Variants in NINJ2 observed in about 807,000 individuals in gnomAD.
The protein encoded by NINJ2 is ninjurin 2.
NINJ2 carries 12 observed loss-of-function variants against 11.7 expected under a neutral mutation model. The observed-to-expected ratio is 1.02, with a 90% CI of 0.66 to 1.66. NINJ2 has a LOEUF of 1.66. Among genes scored for constraint, NINJ2 ranks in the 40% most tolerant of loss-of-function variants. The probability of loss-of-function intolerance (pLI) is 0.00; values close to 1 mark genes in which losing one functional copy is unlikely to be tolerated. For missense variants in NINJ2, 187 were observed against 181.8 expected (o/e 1.03, Z -0.16); for synonymous variants, 93 against 76.8 (o/e 1.21, Z -1.10).
At chr12:572,289 C>T (rs997063895) in intron 1 of NINJ2, among the ~76,000 whole-genome samples, 1 of 152,210 alleles carries the variant, frequency 6.6e-6, no homozygotes, top group Non-Finnish European at 1.5e-5. Flanking sequence ...AGAACACCCA[C>T]GTGGGAGCTT....
chr12:575,664 A>G (rs1451247789), intron 1 of NINJ2, among the ~76,000 whole-genome samples: 1 of 152,160 alleles, frequency 6.6e-6, no homozygotes, highest in Non-Finnish European at 1.5e-5. Context: ...CTGAGTCTCC[A>G]TGGAGCCTAG....
intron 1 of NINJ2, chr12:643,516 G>C: frequency 1.0e-6 from 1 of 988,134 alleles, no homozygotes; most frequent in Middle Eastern, 2.8e-4. Context: ...TGTACCTCAT[G>C]TCCCCTCACT....
At chr12:609,198 A>G (rs1947983178) in intron 1 of NINJ2, among the ~76,000 whole-genome samples, 1 of 126,828 alleles carries the variant, frequency 7.9e-6, no homozygotes, top group South Asian at 2.4e-4. Flanking sequence ...CTGAACGCAC[A>G]CGCACGGCGC....
At chr12:626,651 T>A (rs1948213360) in intron 1 of NINJ2, among the ~76,000 whole-genome samples, 3 of 151,898 alleles carry the variant, frequency 2.0e-5, no homozygotes, top group African/African-American at 7.3e-5. Context: ...AACAATGGAG[T>A]CAGGGTGCCT....
At chr12:574,689 C>A (rs185497029) in intron 1 of NINJ2, among the ~76,000 whole-genome samples, 3 of 152,352 alleles carry the variant, frequency 2.0e-5, no homozygotes, top group Admixed American at 2.0e-4. Flanking sequence ...GTCTCCAGAA[C>A]CATGAGCCAA....
intron 1 of NINJ2, among the ~76,000 whole-genome samples, chr12:658,665 GCTAT>G (rs1937908639): frequency 2.0e-5 from 1 of 50,958 alleles, no homozygotes; most frequent in African/African-American, 7.9e-5. Context: ...GCTATGCTAT[GCTAT>G]GCTATGCTAT....
chr12:659,237 A>T (rs1334601906), intron 1 of NINJ2, among the ~76,000 whole-genome samples: 1 of 151,846 alleles, frequency 6.6e-6, no homozygotes, highest in African/African-American at 2.4e-5. Context: ...AGCTATACTG[A>T]ATTTGCATTC....
At chr12:631,159 A>G (rs1948276077) in intron 1 of NINJ2, among the ~76,000 whole-genome samples, 4 of 152,022 alleles carry the variant, frequency 2.6e-5, no homozygotes, top group African/African-American at 9.7e-5. Context: ...TGCTCAACCT[A>G]GTAATTTGGA....
rs1457731461 is a variant in NINJ2, at chr12:581,406, C to G, written c.34-15228G>C. Reference sequence around the variant, plus strand: ...TCCTGATTGGTGGGCCAGCCTGAATCTGCTGCGCCTGCCAGCTTCAGCCAA... The same window carrying G: ...TCCTGATTGGTGGGCCAGCCTGAATGTGCTGCGCCTGCCAGCTTCAGCCAA... On this transcript the variant is annotated intron_variant, in intron 1 of 3. Transcript: ENST00000305108. The surrounding 1 kb of genome is among the most constrained non-coding windows in gnomAD (Gnocchi z 4.9). 1.3e-5 allele frequency among the ~76,000 whole-genome samples: 2 copies of G among 152,166 alleles called. No individual in the cohort carries two copies. Among genetic ancestry groups the G allele is most frequent in the Non-Finnish European group, 2.9e-5 (2 of 68,024 alleles).
chr12:632,578 C>T (rs1053014350), intron 1 of NINJ2: 1 of 152,228 alleles, frequency 6.6e-6, no homozygotes, highest in African/African-American at 2.4e-5. Context: ...ACATTCCTGT[C>T]TGGGACTGAG....
At chr12:627,002 C>G (rs1948217829) in intron 1 of NINJ2, among the ~76,000 whole-genome samples, 1 of 152,096 alleles carries the variant, frequency 6.6e-6, no homozygotes, top group Non-Finnish European at 1.5e-5. Context: ...GAAAGGTTGT[C>G]TGAGCCTAGG....
At chr12:620,136 G>A (rs1452313573) in intron 1 of NINJ2, among the ~76,000 whole-genome samples, 5 of 152,236 alleles carry the variant, frequency 3.3e-5, no homozygotes, top group Admixed American at 3.3e-4. Flanking sequence ...AGTGACGGGA[G>A]AGCACAGGCA....
At chr12:579,501 AAAACAAAAC>A (rs908896040) in intron 1 of NINJ2, among the ~76,000 whole-genome samples, 22 of 131,132 alleles carry the variant, frequency 1.7e-4, no homozygotes, top group African/African-American at 5.1e-4. Context: ...AAACAAAAAC[AAAACAAAAC>A]AAACAAAACA....
chr12:637,483 A>G (rs1014239498), intron 1 of NINJ2, among the ~76,000 whole-genome samples: 3 of 151,840 alleles, frequency 2.0e-5, no homozygotes, highest in African/African-American at 7.3e-5. Context: ...TCTACTAAAA[A>G]TACAAAAATT....
intron 1 of NINJ2, among the ~76,000 whole-genome samples, chr12:626,536 A>G (rs1948211915): frequency 6.6e-6 from 1 of 152,202 alleles, no homozygotes; most frequent in Non-Finnish European, 1.5e-5. Flanking sequence ...AAAGGCATTG[A>G]TGCACTAAGT....
chr12:598,271 C>T (rs1413155257), intron 1 of NINJ2, among the ~76,000 whole-genome samples: 3 of 152,218 alleles, frequency 2.0e-5, no homozygotes, highest in Admixed American at 6.5e-5. Flanking sequence ...ACTGACCTCC[C>T]CCTGGGCACC....
chr12:635,053 CTTTT>C (rs1186262966), intron 1 of NINJ2, among the ~76,000 whole-genome samples: 6 of 140,818 alleles, frequency 4.3e-5, no homozygotes, highest in Non-Finnish European at 7.8e-5. Context: ...TCCCCATATA[CTTTT>C]TTTTTTTTTT....
rs1238346846 is a variant in NINJ2, at chr12:574,593, C to T, written c.34-8415G>A. Among the ~76,000 whole-genome samples, 4 of 151,736 alleles carry T rather than the reference C, an allele frequency of 2.6e-5. 1 individual carries two copies. Among genetic ancestry groups the T allele is most frequent in the Admixed American group, 2.6e-4 (4 of 15,234 alleles). ...CCTTCCTCTCTCTTGGGCTTGCAAGCTCTCTGGCCCTGCCACCTTCTACCA... is the reference window on the plus strand; with the variant it reads ...CCTTCCTCTCTCTTGGGCTTGCAAGTTCTCTGGCCCTGCCACCTTCTACCA... On this transcript the variant is annotated intron_variant, in intron 1 of 3. Transcript: ENST00000305108.
chr12:607,639 C>T (rs1264535924), intron 1 of NINJ2, among the ~76,000 whole-genome samples: 2 of 152,174 alleles, frequency 1.3e-5, no homozygotes, highest in Non-Finnish European at 2.9e-5. Context: ...CAGTCAGATC[C>T]GGTATGATGC....
Sources: allele counts gnomAD v4.1 joint callset (sites outside exome capture counted in the v4.1 genomes callset), GRCh38; gene constraint gnomAD v4.1.1; non-coding constraint Gnocchi (gnomAD v3.1); transcripts MANE v1.5; gene names NCBI Gene and HGNC (gene_info 2026-07-23, HGNC 2026-07-21).